Variants in ACTL8 observed in about 807,000 individuals in gnomAD.
ACTL8 encodes the protein actin-like protein 8.
Under a neutral mutation model 9.3 loss-of-function variants are expected in ACTL8, and 3 were observed. The observed-to-expected ratio is 0.32, with a 90% confidence interval of 0.15 to 0.83. The LOEUF (loss-of-function observed/expected upper bound fraction) is 0.83. Among genes scored for constraint, ACTL8 ranks in the 40% least tolerant of loss-of-function variants. The pLI, the probability that ACTL8 is intolerant of heterozygous loss-of-function variation, is 0.57. For missense variants in ACTL8, 381 were observed against 492.2 expected (o/e 0.77, Z 2.14); for synonymous variants, 224 against 205.9 (o/e 1.09, Z -0.75).
chr1:17,767,279 G>A lies in ACTL8; in HGVS notation c.-25+11775G>A, dbSNP rs1040102084. 1.3e-5 allele frequency among the ~76,000 whole-genome samples: 2 copies of A among 152,134 alleles called. No individual in the cohort carries two copies. The highest frequency in any genetic ancestry group is 4.8e-5 in the African/African-American group (2 of 41,426). ...ACGGTAAGAGTGAGGAGATGCTGGG[G>A]TTGCATCGGATGATAGGATCCGACT... On this transcript the variant is annotated intron_variant, in intron 1 of 2. Coordinates refer to ENST00000375406, the MANE Select transcript of ACTL8 (RefSeq NM_030812.3). This position sits in a 1 kb window ranked among gnomAD's most constrained non-coding sequence, Gnocchi z 4.7.
chr1:17,826,607 T>C lies in ACTL8; in HGVS notation c.*88T>C, dbSNP rs1173174650. On this transcript the variant is annotated 3_prime_UTR_variant, in exon 3 of 3. Coordinates refer to ENST00000375406, the MANE Select transcript of ACTL8 (RefSeq NM_030812.3). This position sits in a 1 kb window ranked among gnomAD's most constrained non-coding sequence, Gnocchi z 4.5. ...CAAAATGTTCTGGGTGGGGGTAGAA[T>C]GAGGTGGGGTGGGGTGAGCTGGCTT... The C allele has an allele frequency of 7.6e-7, 1 of 1,310,492 alleles. No homozygotes were observed. Among genetic ancestry groups the C allele is most frequent in the Non-Finnish European group, 1.0e-6 (1 of 987,066 alleles). The allele number at this position is 1,310,492 out of a possible 1,614,324, so 81.2% of individuals were successfully genotyped here. A position where few individuals can be genotyped will look rare whatever the true frequency, so the allele number is the denominator to read the frequency against.
rs758710012 is a variant in ACTL8 at position 17,825,933 on chromosome 1, C to T, written c.515C>T (p.Thr172Met). The T allele has an allele frequency of 2.9e-5, 46 of 1,611,714 alleles. No homozygotes were observed. The highest frequency in any genetic ancestry group is 9.3e-5 in the African/African-American group (7 of 74,936). Residue 172 changes from threonine to methionine, a missense_variant, in exon 3 of 3, where the codon ACG becomes ATG. Thr to Met is a moderately conservative substitution (Grantham distance 81). Transcript: ENST00000375406. ...QGRPLPASGK[T>M]LEFAGQDLSA... Reference sequence around the variant, plus strand: ...CGCCCCTTGCCCGCCAGCGGCAAGACGCTGGAGTTCGCCGGCCAGGATCTC... The same window carrying T: ...CGCCCCTTGCCCGCCAGCGGCAAGATGCTGGAGTTCGCCGGCCAGGATCTC...
In ACTL8 at chr1:17,789,265, G is replaced by A. The variant is rs141228824; in HGVS notation, c.-24-33720G>A. ...GGGATCCCCTGACATAGAAGGGAGGGATGCTCGTGTGGGCAGGGGAGGACT... is the reference window on the plus strand; with the variant it reads ...GGGATCCCCTGACATAGAAGGGAGGAATGCTCGTGTGGGCAGGGGAGGACT... On this transcript the variant is annotated intron_variant, in intron 1 of 2. Transcript: ENST00000375406. 2.5e-3 allele frequency among the ~76,000 whole-genome samples: 388 copies of A among 152,238 alleles called. 6 individuals are homozygous for A. The highest frequency in any genetic ancestry group is 8.9e-3 in the African/African-American group (370 of 41,542).
chr1:17,757,341 A>G (rs940036479), intron 1 of ACTL8, among the ~76,000 whole-genome samples: 5 of 152,184 alleles, frequency 3.3e-5, no homozygotes, highest in African/African-American at 1.2e-4. Context: ...TTGCTGAATT[A>G]TGACAACAGT....
rs1258081542 is a variant in ACTL8 at position 17,814,658 on chromosome 1, C to CATA, written c.-24-8326_-24-8324dup. On this transcript the variant is annotated intron_variant, in intron 1 of 2. Coordinates refer to ENST00000375406, the MANE Select transcript of ACTL8 (RefSeq NM_030812.3). The stretch of plus-strand genomic sequence containing the variant: ...TATCTACCAACAAAACAGGACAATA[C>CATA]ATACCATTATGTTACAATCGCCTAC... Among the ~76,000 whole-genome samples, 7 of 151,924 alleles carry CATA rather than the reference C, an allele frequency of 4.6e-5. No homozygotes were observed. In the East Asian group the frequency reaches 1.2e-3, roughly 25 times the overall value.
intron 1 of ACTL8, among the ~76,000 whole-genome samples, chr1:17,769,534 G>A (rs1369946709): frequency 6.6e-6 from 1 of 152,192 alleles, no homozygotes; most frequent in Non-Finnish European, 1.5e-5. Flanking sequence ...CCTGCCTCTT[G>A]TTAGGCAAGA....
chr1:17,789,903 T>A (rs1453167466), intron 1 of ACTL8, among the ~76,000 whole-genome samples: 2 of 152,242 alleles, frequency 1.3e-5, no homozygotes, highest in African/African-American at 4.8e-5. Flanking sequence ...TGCTTAGGCC[T>A]GCTGGGCTCA....
chr1:17,777,932 T>C (rs914252751), intron 1 of ACTL8, among the ~76,000 whole-genome samples: 2 of 152,314 alleles, frequency 1.3e-5, no homozygotes, highest in African/African-American at 4.8e-5. Flanking sequence ...TCCTCACTTC[T>C]GGTGATCCTC....
At chr1:17,807,609 G>T (rs1030297137) in intron 1 of ACTL8, among the ~76,000 whole-genome samples, 1 of 152,132 alleles carries the variant, frequency 6.6e-6, no homozygotes, top group African/African-American at 2.4e-5. Flanking sequence ...GGCCATCAGT[G>T]ATAGACTGGA....
At chr1:17,774,988 T>C (rs184881220) in intron 1 of ACTL8, among the ~76,000 whole-genome samples, 116 of 152,262 alleles carry the variant, frequency 7.6e-4, no homozygotes, top group African/African-American at 2.7e-3. Context: ...GGCTCTGGAA[T>C]CTAGGTGAGG....
chr1:17,774,596 A>AG (rs941442581), intron 1 of ACTL8, among the ~76,000 whole-genome samples: 6 of 152,150 alleles, frequency 3.9e-5, no homozygotes, highest in African/African-American at 1.4e-4. Context: ...AAGGGTGTTC[A>AG]GGCAGCAGGA....
At chr1:17,820,976 C>T (rs572637256) in intron 1 of ACTL8, among the ~76,000 whole-genome samples, 7 of 152,132 alleles carry the variant, frequency 4.6e-5, no homozygotes, top group Non-Finnish European at 7.3e-5. Flanking sequence ...GCCTTAATTT[C>T]GGTCATTCTA....
chr1:17,760,531 G>A (rs2065993397), intron 1 of ACTL8, among the ~76,000 whole-genome samples: 1 of 152,200 alleles, frequency 6.6e-6, no homozygotes, highest in Admixed American at 6.5e-5. Context: ...CCATTTTTAG[G>A]TGTTTCAGGC....
At chr1:17,787,034 A>G (rs971537275) in intron 1 of ACTL8, among the ~76,000 whole-genome samples, 14 of 152,024 alleles carry the variant, frequency 9.2e-5, no homozygotes, top group Admixed American at 7.2e-4. Flanking sequence ...TAAATGTTAC[A>G]TTTATAAAGT....
chr1:17,803,518 AG>A (rs2066338235), intron 1 of ACTL8, among the ~76,000 whole-genome samples: 1 of 152,080 alleles, frequency 6.6e-6, no homozygotes, highest in African/African-American at 2.4e-5. Flanking sequence ...TTTAGTAGAG[AG>A]GGGGTTTTGC....
At chr1:17,805,293 C>T (rs2066351167) in intron 1 of ACTL8, among the ~76,000 whole-genome samples, 1 of 151,614 alleles carries the variant, frequency 6.6e-6, no homozygotes, top group East Asian at 1.9e-4. Context: ...CATCTTCTGT[C>T]ATCTTCTACC....
At chr1:17,792,657 A>G (rs2066248443) in intron 1 of ACTL8, among the ~76,000 whole-genome samples, 1 of 152,184 alleles carries the variant, frequency 6.6e-6, no homozygotes, top group African/African-American at 2.4e-5. Context: ...CTTTGTGTTG[A>G]CATTGGGACA....
intron 1 of ACTL8, among the ~76,000 whole-genome samples, chr1:17,775,131 A>T (rs749104452): frequency 6.6e-6 from 1 of 152,082 alleles, no homozygotes; most frequent in Non-Finnish European, 1.5e-5. Flanking sequence ...ATCAGAGCAA[A>T]ATTTAGCCTG....
intron 1 of ACTL8, among the ~76,000 whole-genome samples, chr1:17,792,540 C>T (rs753133940): frequency 5.3e-5 from 8 of 152,202 alleles, no homozygotes; most frequent in Non-Finnish European, 1.0e-4. Context: ...CTGCTGTCTT[C>T]GGGCCTCAGA....
Sources: allele counts gnomAD v4.1 joint callset (sites outside exome capture counted in the v4.1 genomes callset), GRCh38; gene constraint gnomAD v4.1.1; non-coding constraint Gnocchi (gnomAD v3.1); transcripts MANE v1.5; gene names NCBI Gene and HGNC (gene_info 2026-07-23, HGNC 2026-07-21).